The following KIF4A variants were observed in gnomAD, a reference collection of about 807,000 sequenced individuals.
The protein encoded by KIF4A is chromosome-associated kinesin KIF4A.
Under a neutral mutation model 105.9 loss-of-function variants are expected in KIF4A, and 7 were observed. That is an observed-to-expected ratio of 0.07 (90% CI 0.04 to 0.12). The LOEUF (loss-of-function observed/expected upper bound fraction) is 0.12, where lower values mean the gene tolerates loss of function less well. Ranked by LOEUF, KIF4A falls within the 10% of genes least tolerant of loss-of-function variation. KIF4A has a pLI of 1.00. For missense variants in KIF4A, 558 were observed against 929.2 expected, an observed-to-expected ratio of 0.60 and a Z score of 5.19; for synonymous variants, 281 against 331.3, an observed-to-expected ratio of 0.85 and a Z score of 1.65.
At chrX:70,298,880 G>C (rs749666713) in intron 4 of KIF4A, among the ~76,000 whole-genome samples, 1 of 112,222 alleles carries the variant, frequency 8.9e-6, no homozygotes, top group Non-Finnish European at 1.9e-5. Flanking sequence ...TCTTAAGAGA[G>C]CAATCTCAAT....
chrX:70,362,917 T>G (rs1470202442), intron 15 of KIF4A, among the ~76,000 whole-genome samples: 1 of 110,882 alleles, frequency 9.0e-6, no homozygotes, highest in Non-Finnish European at 1.9e-5. Flanking sequence ...AAAGCAGTTT[T>G]TAATTCAATT....
intron 15 of KIF4A, among the ~76,000 whole-genome samples, chrX:70,354,202 CT>C (rs1303156830): frequency 1.8e-5 from 2 of 112,694 alleles, no homozygotes; most frequent in Non-Finnish European, 1.9e-5. Flanking sequence ...AATGGCTAAA[CT>C]TTTTTCTGAT....
At chrX:70,331,249 G>A (rs912081820) in intron 9 of KIF4A, among the ~76,000 whole-genome samples, 14 of 111,519 alleles carry the variant, frequency 1.3e-4, no homozygotes, top group Non-Finnish European at 2.3e-4. Context: ...GTGTTGGAAG[G>A]GTCTGAGATA....
intron 20 of KIF4A, among the ~76,000 whole-genome samples, chrX:70,389,199 C>G (rs2086228948): frequency 9.0e-6 from 1 of 111,457 alleles, no homozygotes; most frequent in African/African-American, 3.3e-5. Flanking sequence ...AAGGCTACAG[C>G]AAGCCATGAT....
At chrX:70,328,094 T>C (rs1415960817) in intron 7 of KIF4A, among the ~76,000 whole-genome samples, 1 of 112,002 alleles carries the variant, frequency 8.9e-6, no homozygotes, top group Non-Finnish European at 1.9e-5. Context: ...TAAATATAAT[T>C]GTTTCATGTT....
intron 23 of KIF4A, 42 bp downstream of exon 23, chrX:70,402,737 A>G: frequency 8.4e-7 from 1 of 1,184,624 alleles, no homozygotes; most frequent in Non-Finnish European, 1.1e-6. Flanking sequence ...CTGGCTGTGT[A>G]GGTTGAAATG....
intron 10 of KIF4A, 24 bp downstream of exon 10, chrX:70,333,713 ATTGTG>A: frequency 9.6e-7 from 1 of 1,041,448 alleles, no homozygotes; most frequent in Non-Finnish European, 1.3e-6. Flanking sequence ...ATTAATTTGA[ATTGTG>A]TATTCTAATA....
Position 70,419,691 on chromosome X carries a change from G to A in KIF4A, c.3403G>A (p.Asp1135Asn). Reference sequence around the variant, plus strand: ...CTTGGGCACTGTTGAACGGACCCAGGATTCCGAAGGCTCCTTCAAACTGGA... The same window carrying A: ...CTTGGGCACTGTTGAACGGACCCAGAATTCCGAAGGCTCCTTCAAACTGGA... ...DSLGTVERTQ[D>N]SEGSFKLEDP... Residue 1135 changes from aspartate (D) to asparagine (N), a missense_variant, in exon 30 of 31, where the codon GAT (aspartate) becomes AAT (asparagine). Coordinates refer to ENST00000374403, the MANE Select transcript of KIF4A (RefSeq NM_012310.5). 8.3e-7 allele frequency: 1 copy of A among 1,210,091 alleles called. No individual in the cohort carries two copies. Among genetic ancestry groups the A allele is most frequent in the Middle Eastern group, 2.6e-4 (1 of 3,826 alleles).
intron 7 of KIF4A, among the ~76,000 whole-genome samples, chrX:70,324,102 G>A (rs2085901899): frequency 9.0e-6 from 1 of 111,469 alleles, no homozygotes; most frequent in Non-Finnish European, 1.9e-5. Flanking sequence ...GGGATTACAG[G>A]CATGAGCCAC....
At chrX:70,402,721 A>G in intron 23 of KIF4A, 26 bp downstream of exon 23, 1 of 1,199,573 alleles carries the variant, frequency 8.3e-7, no homozygotes, top group Non-Finnish European at 1.1e-6. Flanking sequence ...ACCAGCAGTT[A>G]GGAGGCTGGC....
chrX:70,411,925 T>C (rs1442747781), intron 28 of KIF4A, among the ~76,000 whole-genome samples: 1 of 110,126 alleles, frequency 9.1e-6, no homozygotes, highest in Non-Finnish European at 1.9e-5. Context: ...GTCCCCCTAT[T>C]ACTTCTCAAC....
Position 70,403,997 on chromosome X carries a change from C to A in KIF4A, c.2753C>A (p.Ala918Asp). 8.3e-7 allele frequency: 1 copy of A among 1,211,462 alleles called. No homozygotes were observed. Among genetic ancestry groups the A allele is most frequent in the South Asian group, 1.8e-5 (1 of 56,960 alleles). The change falls in exon 24 of 31, where the codon GCT becomes GAT. Residue 918 changes from alanine (A) to aspartate (D), a missense_variant. Coordinates refer to ENST00000374403, the MANE Select transcript of KIF4A (RefSeq NM_012310.5). ...HFAEIETELQ[A>D]ELVRMEQQHQ... ...GCCGAGATAGAGACAGAGTTACAAGCTGAGCTGGTCAGAATGGAGCAACAG... is the reference window on the plus strand; with the variant it reads ...GCCGAGATAGAGACAGAGTTACAAGATGAGCTGGTCAGAATGGAGCAACAG...
At chrX:70,293,683 G>C (rs759715230) in intron 3 of KIF4A, among the ~76,000 whole-genome samples, 1 of 111,948 alleles carries the variant, frequency 8.9e-6, no homozygotes, top group Non-Finnish European at 1.9e-5. Flanking sequence ...TACTGTAGGC[G>C]GTTGTAACAT....
At chrX:70,417,574 G>C (rs12852854) in intron 28 of KIF4A, among the ~76,000 whole-genome samples, 48,185 of 110,847 alleles carry the variant, frequency 0.43, 8,411 homozygotes, top group Non-Finnish European at 0.55. Context: ...TTGAACCTGG[G>C]AGGCGGAGGT....
intron 18 of KIF4A, among the ~76,000 whole-genome samples, chrX:70,382,651 A>C: frequency 9.0e-6 from 1 of 111,346 alleles, no homozygotes; most frequent in Non-Finnish European, 1.9e-5. Flanking sequence ...TGTAAACAAT[A>C]CCATCAAGAA....
At chrX:70,390,997 T>C (rs905056186) in intron 20 of KIF4A, among the ~76,000 whole-genome samples, 2 of 112,330 alleles carry the variant, frequency 1.8e-5, no homozygotes, top group Non-Finnish European at 3.8e-5. Context: ...AGTTTGTTTA[T>C]CCATTCACCT....
chrX:70,385,604 A>G (rs767493344), intron 18 of KIF4A, among the ~76,000 whole-genome samples: 2 of 112,068 alleles, frequency 1.8e-5, no homozygotes, highest in East Asian at 5.6e-4. Context: ...GGCACAGTAA[A>G]TATTATATTG....
At chrX:70,384,761 C>A (rs1028549018) in intron 18 of KIF4A, among the ~76,000 whole-genome samples, 6 of 109,998 alleles carry the variant, frequency 5.5e-5, no homozygotes, top group African/African-American at 1.7e-4. Flanking sequence ...AAAAATGAAA[C>A]TTTGGGAGTA....
chrX:70,300,375 A>C (rs746185815), intron 5 of KIF4A, among the ~76,000 whole-genome samples: 112 of 111,748 alleles, frequency 1.0e-3, no homozygotes, highest in African/African-American at 3.4e-3. Flanking sequence ...TTAAGTCCTA[A>C]GAGTTGTTTG....
Sources: allele counts gnomAD v4.1 joint callset (sites outside exome capture counted in the v4.1 genomes callset), GRCh38; gene constraint gnomAD v4.1.1; transcripts MANE v1.5; gene names NCBI Gene and HGNC (gene_info 2026-07-23, HGNC 2026-07-21).